The following NDUFA10 variants were observed in gnomAD, a reference collection of about 807,000 sequenced individuals.
NDUFA10 encodes the protein NADH dehydrogenase [ubiquinone] 1 alpha subcomplex subunit 10, mitochondrial.
NDUFA10 carries 40 observed loss-of-function variants against 47.8 expected under a neutral mutation model. The ratio of observed to expected loss-of-function variants is 0.84; its 90% confidence interval spans 0.65 to 1.09. The LOEUF (loss-of-function observed/expected upper bound fraction) is 1.09. NDUFA10 is among the 50% of genes least tolerant of loss of function. NDUFA10 has a pLI of 0.00. For synonymous variants in NDUFA10, 183 were observed against 172.2 expected, an observed-to-expected ratio of 1.06 and a Z score of -0.49; for missense variants, 413 against 451.1, an observed-to-expected ratio of 0.92 and a Z score of 0.76.
intron 4 of NDUFA10, among the ~76,000 whole-genome samples, chr2:239,932,682 C>T (rs1211637594): frequency 1.3e-5 from 2 of 152,056 alleles, no homozygotes; most frequent in Non-Finnish European, 2.9e-5. Context: ...CGGGTTCACG[C>T]CATTCTCCTG....
At chr2:239,982,679 C>T (rs1007611295) in intron 9 of NDUFA10, among the ~76,000 whole-genome samples, 1 of 152,154 alleles carries the variant, frequency 6.6e-6, no homozygotes, top group Non-Finnish European at 1.5e-5. Flanking sequence ...CTGAACTAGA[C>T]AGAAATGAGA....
chr2:239,991,398 C>T (rs978824140), intron 8 of NDUFA10, among the ~76,000 whole-genome samples: 1 of 152,118 alleles, frequency 6.6e-6, no homozygotes, highest in African/African-American at 2.4e-5. Flanking sequence ...TGTGCGTTTC[C>T]ACATGGGTAG....
At chr2:240,020,091 A>G (rs1412802017) in intron 3 of NDUFA10, among the ~76,000 whole-genome samples, 1 of 151,764 alleles carries the variant, frequency 6.6e-6, no homozygotes, top group Non-Finnish European at 1.5e-5. Context: ...GATACGTGTC[A>G]TGGACACACA....
At chr2:239,895,450 T>G (rs1305565565) in intron 4 of NDUFA10, 1 of 204,112 alleles carries the variant, frequency 4.9e-6, no homozygotes, top group African/African-American at 2.4e-5. Flanking sequence ...AGTGATAGGT[T>G]AGGGGAGAAA....
chr2:239,945,668 C>G lies in NDUFA10; in HGVS notation c.294+44406G>C, dbSNP rs1459056016. Among the ~76,000 whole-genome samples, 1 of 152,236 alleles carries G rather than the reference C, an allele frequency of 6.6e-6. No homozygotes were observed. The highest frequency in any genetic ancestry group is 1.9e-4 in the East Asian group (1 of 5,190). ...CGATTGGCCCTGGGATGAAAACCAGCATGTCAGAGCAGAAGCATCTCCAGA... is the reference window on the plus strand; with the variant it reads ...CGATTGGCCCTGGGATGAAAACCAGGATGTCAGAGCAGAAGCATCTCCAGA... On this transcript the variant is annotated intron_variant, in intron 4 of 5. Transcript: ENST00000419408. The surrounding 1 kb of genome is among the most constrained non-coding windows in gnomAD (Gnocchi z 4.6).
intron 4 of NDUFA10, among the ~76,000 whole-genome samples, chr2:239,936,183 G>A (rs1694263680): frequency 2.0e-5 from 3 of 152,202 alleles, no homozygotes; most frequent in Admixed American, 2.0e-4. Flanking sequence ...CCAAGCGGAG[G>A]TGTGGGCAGC....
intron 5 of NDUFA10, chr2:240,013,102 A>C (rs1200548482): frequency 6.6e-6 from 1 of 152,268 alleles, no homozygotes; most frequent in African/African-American, 2.4e-5. Context: ...CAGAAATCTG[A>C]CCTGAAGTTA....
intron 4 of NDUFA10, among the ~76,000 whole-genome samples, chr2:239,946,406 C>A (rs4077905): frequency 1.3e-5 from 2 of 152,176 alleles, no homozygotes; most frequent in East Asian, 3.9e-4. Flanking sequence ...AGCTCGTTAA[C>A]CCGCATGCTC....
chr2:239,949,694 G>C (rs1694520084), intron 4 of NDUFA10, among the ~76,000 whole-genome samples: 1 of 151,722 alleles, frequency 6.6e-6, no homozygotes, highest in Non-Finnish European at 1.5e-5. Flanking sequence ...ATGTTGCCCG[G>C]GCTGGTCTCC....
chr2:239,911,668 A>AGTGTGTGTGT (rs1209330426), intron 4 of NDUFA10, among the ~76,000 whole-genome samples: 158 of 79,272 alleles, frequency 2.0e-3, no homozygotes, highest in African/African-American at 6.2e-3. Flanking sequence ...AAAACATGAG[A>AGTGTGTGTGT]GAGTGTGTGT....
intron 4 of NDUFA10, among the ~76,000 whole-genome samples, chr2:239,936,825 C>T (rs1344069029): frequency 2.6e-5 from 4 of 152,190 alleles, no homozygotes; most frequent in African/African-American, 4.8e-5. Context: ...CCGGGTGTTG[C>T]GGTGCATGCC....
At chr2:239,979,002 A>C (rs1695650821) in intron 9 of NDUFA10, among the ~76,000 whole-genome samples, 1 of 152,212 alleles carries the variant, frequency 6.6e-6, no homozygotes, top group African/African-American at 2.4e-5. Context: ...CTTTGTTTCA[A>C]TATATAAGCT....
At chr2:239,988,765 C>T (rs1696109458) in intron 9 of NDUFA10, among the ~76,000 whole-genome samples, 1 of 152,168 alleles carries the variant, frequency 6.6e-6, no homozygotes, top group Non-Finnish European at 1.5e-5. Flanking sequence ...AGCGTTGATG[C>T]CAGGGAAGCA....
chr2:240,000,689 C>T lies in NDUFA10; in HGVS notation c.890+4521G>A, dbSNP rs573223446. 7.2e-4 allele frequency among the ~76,000 whole-genome samples: 109 copies of T among 152,300 alleles called. 3 individuals are homozygous for T. Among genetic ancestry groups the T allele is most frequent in the African/African-American group, 2.5e-3 (102 of 41,568 alleles). On this transcript the variant is annotated intron_variant, in intron 8 of 9. Coordinates refer to ENST00000252711, the MANE Select transcript of NDUFA10 (RefSeq NM_004544.4). Reference sequence around the variant, plus strand: ...CTGCCAGTCCCGTCAGCTCCACTCACGGTACATGCCCCAGACGGGTGGACC... The same window carrying T: ...CTGCCAGTCCCGTCAGCTCCACTCATGGTACATGCCCCAGACGGGTGGACC...
At chr2:239,916,251 T>TACAC (rs368415118) in intron 4 of NDUFA10, among the ~76,000 whole-genome samples, 4 of 140,696 alleles carry the variant, frequency 2.8e-5, no homozygotes, top group Non-Finnish European at 1.6e-5. Context: ...CACACAGAGA[T>TACAC]ACACACACAC....
chr2:240,021,117 C>T, intron 3 of NDUFA10, 80 bp downstream of exon 3: 3 of 1,230,684 alleles, frequency 2.4e-6, no homozygotes, highest in Non-Finnish European at 3.5e-6. Context: ...GAAAGCTCGA[C>T]TCAGTGGCAA....
At chr2:239,921,480 C>T (rs1693982055) in intron 4 of NDUFA10, among the ~76,000 whole-genome samples, 1 of 152,182 alleles carries the variant, frequency 6.6e-6, no homozygotes, top group East Asian at 1.9e-4. Flanking sequence ...TTTTTTCAAT[C>T]TTCCCCGTGA....
At chr2:239,921,319 G>A (rs1313179752) in intron 4 of NDUFA10, among the ~76,000 whole-genome samples, 1 of 129,464 alleles carries the variant, frequency 7.7e-6, no homozygotes, top group Non-Finnish European at 1.7e-5. Context: ...TCTTAAAGGT[G>A]GCACTGACCC....
intron 1 of NDUFA10, among the ~76,000 whole-genome samples, chr2:240,024,465 G>A (rs1697771294): frequency 6.6e-6 from 1 of 152,156 alleles, no homozygotes; most frequent in Non-Finnish European, 1.5e-5. Flanking sequence ...AGAAAAAGAA[G>A]GGTTTAATAG....
Sources: allele counts gnomAD v4.1 joint callset (sites outside exome capture counted in the v4.1 genomes callset), GRCh38; gene constraint gnomAD v4.1.1; non-coding constraint Gnocchi (gnomAD v3.1); transcripts MANE v1.5; gene names NCBI Gene and HGNC (gene_info 2026-07-23, HGNC 2026-07-21).